Variants in GSDMC observed in about 807,000 individuals in gnomAD.
The protein encoded by GSDMC is gasdermin C.
GSDMC carries 59 observed loss-of-function variants against 58.0 expected under a neutral mutation model. The observed-to-expected ratio is 1.02, with a 90% confidence interval of 0.82 to 1.26. GSDMC has a LOEUF of 1.26. Among genes scored for constraint, GSDMC ranks in the 50% most tolerant of loss-of-function variants. The pLI is 0.00. For synonymous variants in GSDMC, 241 were observed against 220.2 expected (o/e 1.09, Z -0.83); for missense variants, 659 against 598.5 (o/e 1.10, Z -1.06).
the GSDMC span, among the ~76,000 whole-genome samples, chr8:129,708,318 G>A: frequency 6.6e-6 from 1 of 152,194 alleles, no homozygotes; most frequent in Admixed American, 6.5e-5. Flanking sequence ...GGCTAGTTAG[G>A]CCAGGTAAAG....
chr8:129,729,314 T>C, the GSDMC span: 4 of 551,778 alleles, frequency 7.2e-6, no homozygotes, highest in African/African-American at 2.0e-5. Context: ...ATTTGTTTTT[T>C]TTAATTATTA....
Position 129,766,833 on chromosome 8 carries a change from C to T in GSDMC, c.405-1040G>A, listed in dbSNP as rs142461063. Among the ~76,000 whole-genome samples, 385 of 152,262 alleles carry T rather than the reference C, an allele frequency of 2.5e-3. 2 individuals are homozygous for T. Among genetic ancestry groups the T allele is most frequent in the African/African-American group, 8.9e-3 (371 of 41,546 alleles). On this transcript the variant is annotated intron_variant, in intron 3 of 13. Coordinates refer to ENST00000276708, the MANE Select transcript of GSDMC (RefSeq NM_031415.3). ...AAAGTAGATATCCAGCTTCAAACAG[C>T]GTTCCAAAGCGCATCCTAGGAGGTC... is the stretch of plus-strand genomic sequence containing the variant.
chr8:129,739,762 C>T, the GSDMC span, among the ~76,000 whole-genome samples: 5 of 152,128 alleles, frequency 3.3e-5, no homozygotes, highest in Non-Finnish European at 7.3e-5. Context: ...TAAATGACTG[C>T]ATTACTGGCT....
At position 129,776,142 on chromosome 8, in the gene GSDMC, C is replaced by T. The variant is rs577510947; in HGVS notation, c.364G>A (p.Val122Ile). The T allele has an allele frequency of 1.2e-6, 2 of 1,614,022 alleles. No homozygotes were observed. The highest frequency in any genetic ancestry group is 2.2e-5 in the East Asian group (1 of 44,870). Residue 122 changes from valine to isoleucine, a missense_variant, in exon 3 of 14, where the codon GTT becomes ATT. Physicochemically the swap from Val to Ile is conservative, Grantham distance 29. Transcript: ENST00000276708. ...DHGCSLEFQI[V>I]TIPSPNLEDF... ...TCCAGGTTTGGTGATGGGATGGTAA[C>T]AATTTGAAACTCGAGGGAGCATCCA...
the GSDMC span, among the ~76,000 whole-genome samples, chr8:129,737,135 A>C: frequency 3.9e-5 from 6 of 152,336 alleles, no homozygotes; most frequent in South Asian, 6.2e-4. Context: ...TCAATGAAAT[A>C]AAAGAGGACA....
At chr8:129,761,123 A>G (rs906148586) in intron 5 of GSDMC, among the ~76,000 whole-genome samples, 3 of 152,188 alleles carry the variant, frequency 2.0e-5, no homozygotes, top group Admixed American at 1.3e-4. Flanking sequence ...ACTAGCGGGG[A>G]GAGTGGCGCT....
At chr8:129,725,888 C>A in the GSDMC span, among the ~76,000 whole-genome samples, 1 of 152,190 alleles carries the variant, frequency 6.6e-6, no homozygotes, top group African/African-American at 2.4e-5. Context: ...TCAATACAGT[C>A]TTTTAAATGA....
chr8:129,742,322 C>T, the GSDMC span, among the ~76,000 whole-genome samples: 1 of 152,076 alleles, frequency 6.6e-6, no homozygotes, highest in East Asian at 1.9e-4. Flanking sequence ...TATTAATGTG[C>T]TTGATGGAAT....
At chr8:129,710,958 C>T in the GSDMC span, among the ~76,000 whole-genome samples, 1 of 152,282 alleles carries the variant, frequency 6.6e-6, no homozygotes, top group African/African-American at 2.4e-5. Flanking sequence ...ATCACATGCC[C>T]TAATGCTGGG....
chr8:129,738,799 T>C, the GSDMC span, among the ~76,000 whole-genome samples: 1 of 151,902 alleles, frequency 6.6e-6, no homozygotes, highest in Non-Finnish European at 1.5e-5. Flanking sequence ...GAACTTAAAG[T>C]ATAGTTTTTA....
the GSDMC span, chr8:129,730,224 C>G: frequency 2.3e-6 from 3 of 1,279,924 alleles, no homozygotes; most frequent in Non-Finnish European, 3.2e-6. Context: ...GAATAAAAGA[C>G]ACGATGCTAG....
the GSDMC span, among the ~76,000 whole-genome samples, chr8:129,724,656 CACAGAA>C: frequency 1.3e-5 from 2 of 151,488 alleles, no homozygotes; most frequent in Non-Finnish European, 2.9e-5. Flanking sequence ...TATGTTCACA[CACAGAA>C]ACAGAAGTAG....
At chr8:129,775,278 T>C (rs1237418829) in intron 3 of GSDMC, among the ~76,000 whole-genome samples, 4 of 152,200 alleles carry the variant, frequency 2.6e-5, no homozygotes, top group Non-Finnish European at 5.9e-5. Context: ...TGGATAAACC[T>C]TGATGGCATT....
chr8:129,718,647 AG>A, the GSDMC span, among the ~76,000 whole-genome samples: 2 of 152,248 alleles, frequency 1.3e-5, no homozygotes, highest in African/African-American at 4.8e-5. Flanking sequence ...ATCTAGAACC[AG>A]AAATACCATT....
chr8:129,771,326 CAG>C (rs1237169630), intron 3 of GSDMC, among the ~76,000 whole-genome samples: 2 of 151,852 alleles, frequency 1.3e-5, no homozygotes, highest in Non-Finnish European at 2.9e-5. Flanking sequence ...ATGAACCTAA[CAG>C]ACATATACAG....
intron 4 of GSDMC, among the ~76,000 whole-genome samples, chr8:129,765,021 A>G (rs2033807330): frequency 6.6e-6 from 1 of 152,244 alleles, no homozygotes; most frequent in Non-Finnish European, 1.5e-5. Context: ...TTAAGTAAAG[A>G]CAAATTACAC....
the GSDMC span, among the ~76,000 whole-genome samples, chr8:129,722,788 C>T: frequency 6.6e-6 from 1 of 152,142 alleles, no homozygotes; most frequent in South Asian, 2.1e-4. Flanking sequence ...CATAGTCTTG[C>T]ATACAGATGG....
At chr8:129,757,205 A>G (rs779176882) in intron 6 of GSDMC, among the ~76,000 whole-genome samples, 1 of 152,072 alleles carries the variant, frequency 6.6e-6, no homozygotes, top group Non-Finnish European at 1.5e-5. Flanking sequence ...AAAATCAGAG[A>G]TGAAAAAGGA....
At chr8:129,758,185 C>G (rs181193325) in intron 6 of GSDMC, among the ~76,000 whole-genome samples, 1 of 152,206 alleles carries the variant, frequency 6.6e-6, no homozygotes, top group East Asian at 1.9e-4. Flanking sequence ...GATAAAAACC[C>G]TTTAAAAACC....
Sources: gnomAD v4.1 joint callset for allele counts (sites outside exome capture counted in the v4.1 genomes callset) on GRCh38, gnomAD v4.1.1 for gene constraint, MANE v1.5 for transcripts, NCBI Gene and HGNC (gene_info 2026-07-23, HGNC 2026-07-21) for gene names.